ASPH: variants seen among roughly 807,000 people sequenced by gnomAD.
The protein encoded by ASPH is aspartate beta-hydroxylase.
Under a neutral mutation model 118.4 loss-of-function variants are expected in ASPH, and 100 were observed. The ratio of observed to expected loss-of-function variants is 0.84; its 90% confidence interval spans 0.72 to 1.00. The LOEUF (loss-of-function observed/expected upper bound fraction) is 1.00, where lower values mean the gene tolerates loss of function less well. Ranked by LOEUF, ASPH falls within the 50% of genes least tolerant of loss-of-function variation. ASPH has a pLI of 0.00. For missense variants in ASPH, 920 were observed against 919.5 expected, an observed-to-expected ratio of 1.00 and a Z score of -0.01; for synonymous variants, 315 against 325.6, an observed-to-expected ratio of 0.97 and a Z score of 0.35.
intron 18 of ASPH, among the ~76,000 whole-genome samples, chr8:61,558,841 C>T (rs1488470207): frequency 6.6e-6 from 1 of 152,138 alleles, no homozygotes; most frequent in Non-Finnish European, 1.5e-5. Context: ...GCCCTTTGAA[C>T]AACATTGGTT....
At chr8:61,690,546 C>T (rs947915266) in intron 1 of ASPH, among the ~76,000 whole-genome samples, 5 of 151,902 alleles carry the variant, frequency 3.3e-5, no homozygotes, top group Non-Finnish European at 7.4e-5. Flanking sequence ...CAAACATTCT[C>T]TTCTGGGAAA....
chr8:61,642,415 G>A (rs1024447158), intron 10 of ASPH, among the ~76,000 whole-genome samples: 4 of 152,386 alleles, frequency 2.6e-5, no homozygotes, highest in South Asian at 2.1e-4. Flanking sequence ...GGCAGAAGCC[G>A]TGGAATGGGT....
At chr8:61,509,578 G>A (rs531920753) in intron 24 of ASPH, among the ~76,000 whole-genome samples, 1 of 152,188 alleles carries the variant, frequency 6.6e-6, no homozygotes, top group Non-Finnish European at 1.5e-5. Context: ...CTGTATCTTT[G>A]GCTGACCTCC....
intron 21 of ASPH, among the ~76,000 whole-genome samples, chr8:61,531,606 A>G (rs1021936199): frequency 2.6e-5 from 4 of 152,060 alleles, no homozygotes; most frequent in African/African-American, 9.7e-5. Flanking sequence ...ATATATTCAA[A>G]GTGAACAAGG....
chr8:61,694,846 C>T (rs191765931), intron 1 of ASPH, among the ~76,000 whole-genome samples: 14 of 152,312 alleles, frequency 9.2e-5, no homozygotes, highest in Admixed American at 7.2e-4. Flanking sequence ...TCCGCATATA[C>T]ACAATAAACC....
At chr8:61,506,729 A>G (rs567821601) in intron 24 of ASPH, among the ~76,000 whole-genome samples, 1 of 152,332 alleles carries the variant, frequency 6.6e-6, no homozygotes, top group South Asian at 2.1e-4. Context: ...TATTCAATTA[A>G]TGACAGAAAA....
Position 61,643,374 on chromosome 8 carries a change from C to T in ASPH, c.757+12G>A. The T allele has an allele frequency of 6.3e-7, 1 of 1,596,060 alleles. No homozygotes were observed. Among genetic ancestry groups the T allele is most frequent in the Non-Finnish European group, 8.5e-7 (1 of 1,173,990 alleles). ...TAATATTTTAAATCTAATGAAAATGCTCATCTAATACCTGTATCATGGTGC... is the reference window on the plus strand; with the variant it reads ...TAATATTTTAAATCTAATGAAAATGTTCATCTAATACCTGTATCATGGTGC... On this transcript the variant is annotated intron_variant, in intron 9 of 24. Transcript: ENST00000379454.
chr8:61,521,203 A>G (rs1469726415), intron 22 of ASPH, among the ~76,000 whole-genome samples: 1 of 152,236 alleles, frequency 6.6e-6, no homozygotes, highest in East Asian at 1.9e-4. Flanking sequence ...GAGGGGTCAC[A>G]TAGCGAACAG....
At chr8:61,643,344 T>A in intron 9 of ASPH, 42 bp downstream of exon 9, 1 of 1,572,550 alleles carries the variant, frequency 6.4e-7, no homozygotes, top group South Asian at 1.2e-5. Context: ...TTGAAAAATC[T>A]AAGGTAATAT....
In ASPH at chr8:61,530,408, T is replaced by G. The variant is rs145556325; in HGVS notation, c.1765-4296A>C. On this transcript the variant is annotated intron_variant, in intron 21 of 24. Coordinates refer to ENST00000379454, the MANE Select transcript of ASPH (RefSeq NM_004318.4). Reference sequence around the variant, plus strand: ...CCTCACCAGTTACACCTTAGCTATATTTTTCACTCTAGGCATCTATAAATG... The same window carrying G: ...CCTCACCAGTTACACCTTAGCTATAGTTTTCACTCTAGGCATCTATAAATG... 6.1e-4 allele frequency among the ~76,000 whole-genome samples: 93 copies of G among 152,292 alleles called. 1 individual carries two copies. In the Middle Eastern group the frequency reaches 0.027, roughly 45 times the overall value.
intron 2 of ASPH, among the ~76,000 whole-genome samples, chr8:61,683,131 A>C (rs1828926562): frequency 6.6e-6 from 1 of 152,142 alleles, no homozygotes; most frequent in African/African-American, 2.4e-5. Flanking sequence ...TGCCCAGAAT[A>C]AACAAAAGCA....
chr8:61,624,797 T>C lies in ASPH; in HGVS notation c.935-5778A>G, dbSNP rs966720391. 6 of 985,666 alleles carry C rather than the reference T, an allele frequency of 6.1e-6. No homozygotes were observed. In the Admixed American group the frequency reaches 1.8e-4, roughly 30 times the overall value. 61.1% of individuals were successfully genotyped at this position (985,666 alleles called of 1,614,324 possible). ...ACTCCTTAGTTTCCCTAAAAAAATATGGCTTTATAAAAAGTAGCTTCTATA... is the reference window on the plus strand; with the variant it reads ...ACTCCTTAGTTTCCCTAAAAAAATACGGCTTTATAAAAAGTAGCTTCTATA... On this transcript the variant is annotated intron_variant, in intron 13 of 24. Coordinates refer to ENST00000379454, the MANE Select transcript of ASPH (RefSeq NM_004318.4).
At chr8:61,609,614 A>G (rs771658732) in intron 14 of ASPH, among the ~76,000 whole-genome samples, 15 of 152,198 alleles carry the variant, frequency 9.9e-5, no homozygotes, top group Admixed American at 3.9e-4. Flanking sequence ...TTAAAACAGA[A>G]TTTGATTTAT....
At chr8:61,521,596 A>G (rs1813047731) in intron 22 of ASPH, among the ~76,000 whole-genome samples, 1 of 152,234 alleles carries the variant, frequency 6.6e-6, no homozygotes, top group South Asian at 2.1e-4. Context: ...GCAGCTGTGC[A>G]GGAGCAAACC....
chr8:61,525,982 T>G lies in ASPH; in HGVS notation c.1895A>C (p.Gln632Pro). ...TCTAGAAGTCAGAAACTCACCTTGCTGCCACAGCGTGAACTGGCTCCAGTC... is the reference window on the plus strand; with the variant it reads ...TCTAGAAGTCAGAAACTCACCTTGCGGCCACAGCGTGAACTGGCTCCAGTC... ...KGDWSQFTLW[Q>P]QGRRNENACK... is the part of the protein sequence containing the mutation. The change falls in exon 22 of 25, where the codon CAG (glutamine) becomes CCG (proline). Residue 632 changes from glutamine to proline, a missense_variant. By Grantham distance (76) the Gln-to-Pro change is moderately conservative (BLOSUM62 -1). Coordinates refer to ENST00000379454, the MANE Select transcript of ASPH (RefSeq NM_004318.4). 6.2e-7 allele frequency: 1 copy of G among 1,613,850 alleles called. No individual in the cohort carries two copies. The highest frequency in any genetic ancestry group is 1.1e-5 in the South Asian group (1 of 91,072).
intron 1 of ASPH, among the ~76,000 whole-genome samples, chr8:61,710,709 G>A (rs560202756): frequency 2.6e-5 from 4 of 152,164 alleles, no homozygotes; most frequent in Admixed American, 6.5e-5. Flanking sequence ...AATGAGTAAT[G>A]GAGGATTAAG....
intron 3 of ASPH, chr8:61,668,310 A>G: frequency 6.4e-7 from 1 of 1,560,686 alleles, no homozygotes; most frequent in South Asian, 1.2e-5. Flanking sequence ...TAGGTTATAA[A>G]CAGAAAATTT....
rs180807963 is a variant in ASPH at position 61,554,005 on chromosome 8, C to T, written c.1537-885G>A. On this transcript the variant is annotated intron_variant, in intron 19 of 24. Coordinates refer to ENST00000379454, the MANE Select transcript of ASPH (RefSeq NM_004318.4). ...ACTCAGGAGAGGAAGGGAGCTGTGG[C>T]GAGGGCTTCTAATTGACCAACACTC... Among the ~76,000 whole-genome samples the T allele has an allele frequency of 3.9e-5, 6 of 152,300 alleles. No homozygotes were observed. The East Asian group carries it at 7.7e-4, about 20-fold the overall frequency.
chr8:61,651,419 A>C, intron 4 of ASPH: 1 of 270,846 alleles, frequency 3.7e-6, no homozygotes, highest in Non-Finnish European at 6.8e-6. Context: ...TAAAAGCAAA[A>C]TGACTTGTTT....
Sources: allele counts gnomAD v4.1 joint callset (sites outside exome capture counted in the v4.1 genomes callset), GRCh38; gene constraint gnomAD v4.1.1; transcripts MANE v1.5; gene names NCBI Gene and HGNC (gene_info 2026-07-23, HGNC 2026-07-21).